Variants in ZNF280D observed in about 807,000 individuals in gnomAD.
The protein encoded by ZNF280D is suppressor of hairy wing homolog 4.
A neutral mutation model predicts 94.7 loss-of-function variants in ZNF280D; 39 were observed. That is an observed-to-expected ratio of 0.41 (90% CI 0.32 to 0.54). The LOEUF (loss-of-function observed/expected upper bound fraction) is 0.54, where lower values mean the gene tolerates loss of function less well. Among genes scored for constraint, ZNF280D ranks in the 20% least tolerant of loss-of-function variants. ZNF280D has a pLI of 0.22. For missense variants in ZNF280D, 1,090 were observed against 1,149.3 expected, an observed-to-expected ratio of 0.95 and a Z score of 0.75; for synonymous variants, 398 against 377.6, an observed-to-expected ratio of 1.05 and a Z score of -0.63.
intron 19 of ZNF280D, among the ~76,000 whole-genome samples, chr15:56,650,980 A>G (rs2053171509): frequency 2.0e-5 from 3 of 152,290 alleles, no homozygotes; most frequent in South Asian, 2.1e-4. Context: ...TCTCTGATTC[A>G]TATTTCTCCA....
Position 56,707,749 on chromosome 15 carries a change from G to A in ZNF280D, c.-85-443C>T, listed in dbSNP as rs147993744. Among the ~76,000 whole-genome samples, 314 of 152,064 alleles carry A rather than the reference G, an allele frequency of 2.1e-3. 1 individual carries two copies. Among genetic ancestry groups the A allele is most frequent in the African/African-American group, 6.9e-3 (285 of 41,488 alleles). ...GCTTTTTATCAACCGAAAGGGAACA[G>A]AAAATTCATTGGAAATATTTCATCA... On this transcript the variant is annotated intron_variant, in intron 1 of 21. Coordinates refer to ENST00000267807, the MANE Select transcript of ZNF280D (RefSeq NM_017661.4).
chr15:56,720,970 T>G (rs796501393), intron 1 of ZNF280D, among the ~76,000 whole-genome samples: 813 of 26,532 alleles, frequency 0.031, 9 homozygotes, highest in East Asian at 0.06. Context: ...GCATTTTTTT[T>G]GGGGGGGGGG....
chr15:56,696,445 G>C (rs2056753439), intron 6 of ZNF280D, among the ~76,000 whole-genome samples: 1 of 152,130 alleles, frequency 6.6e-6, no homozygotes, highest in Non-Finnish European at 1.5e-5. Flanking sequence ...GGTCGAGTAA[G>C]GCTCCCAGTA....
chr15:56,731,508 A>G (rs531936371), intron 1 of ZNF280D, among the ~76,000 whole-genome samples: 1 of 144,654 alleles, frequency 6.9e-6, no homozygotes, highest in African/African-American at 2.7e-5. Context: ...ACCTATCTCA[A>G]AAAAAAAAAA....
chr15:56,731,407 G>A (rs1402894155), intron 1 of ZNF280D, among the ~76,000 whole-genome samples: 1 of 151,630 alleles, frequency 6.6e-6, no homozygotes, highest in East Asian at 1.9e-4. Flanking sequence ...GGAGGCCGAG[G>A]TGGGAGGATG....
chr15:56,726,361 T>C (rs1212179098), intron 1 of ZNF280D, among the ~76,000 whole-genome samples: 1 of 152,184 alleles, frequency 6.6e-6, no homozygotes, highest in Non-Finnish European at 1.5e-5. Context: ...CTTTCTTTCT[T>C]GAGCAGTTCT....
At chr15:56,653,496 C>T (rs1403452004) in intron 19 of ZNF280D, 1 of 1,516,372 alleles carries the variant, frequency 6.6e-7, no homozygotes, top group South Asian at 1.2e-5. Context: ...AAATTATTCA[C>T]ATTCCTTGGA....
chr15:56,673,603 A>G (rs1490265177), intron 13 of ZNF280D, among the ~76,000 whole-genome samples: 1 of 151,990 alleles, frequency 6.6e-6, no homozygotes, highest in East Asian at 1.9e-4. Context: ...ACATCTTTTT[A>G]TATGCTTAAA....
intron 1 of ZNF280D, among the ~76,000 whole-genome samples, chr15:56,711,612 T>A (rs1463905692): frequency 7.9e-5 from 12 of 152,126 alleles, no homozygotes; most frequent in African/African-American, 2.9e-4. Flanking sequence ...AGTAGTGAGC[T>A]GAGATCGTGC....
intron 19 of ZNF280D, among the ~76,000 whole-genome samples, chr15:56,649,969 G>T (rs2053114266): frequency 6.6e-6 from 1 of 151,998 alleles, no homozygotes; most frequent in Admixed American, 6.6e-5. Flanking sequence ...AATAGGTCCA[G>T]ATTCTCTTCT....
chr15:56,724,436 A>G (rs2058530556), intron 1 of ZNF280D, among the ~76,000 whole-genome samples: 1 of 152,200 alleles, frequency 6.6e-6, no homozygotes, highest in Non-Finnish European at 1.5e-5. Context: ...CAACACTTCT[A>G]ACAGTTGTTG....
At chr15:56,642,542 C>G (rs936357900) in intron 20 of ZNF280D, among the ~76,000 whole-genome samples, 15 of 151,802 alleles carry the variant, frequency 9.9e-5, no homozygotes, top group African/African-American at 3.6e-4. Flanking sequence ...ATTTAAGATA[C>G]ATCCAAAATA....
intron 1 of ZNF280D, among the ~76,000 whole-genome samples, chr15:56,713,035 C>T (rs1421280296): frequency 2.0e-5 from 3 of 151,902 alleles, no homozygotes; most frequent in Non-Finnish European, 4.4e-5. Context: ...CCACCATGCC[C>T]GGTCAAATGG....
At chr15:56,692,206 C>G (rs1412742434) in intron 7 of ZNF280D, among the ~76,000 whole-genome samples, 1 of 151,772 alleles carries the variant, frequency 6.6e-6, no homozygotes, top group African/African-American at 2.4e-5. Context: ...CAGATTGTTA[C>G]TAAATACGTA....
At chr15:56,711,085 T>C (rs1156378974) in intron 1 of ZNF280D, among the ~76,000 whole-genome samples, 1 of 152,216 alleles carries the variant, frequency 6.6e-6, no homozygotes, top group African/African-American at 2.4e-5. Flanking sequence ...TTAGTAACCA[T>C]GAAGAGTAAA....
Position 56,669,974 on chromosome 15 carries a change from A to ATATATATTAT in ZNF280D, c.1411-1018_1411-1017insATAATATATA, listed in dbSNP as rs1230973169. On this transcript the variant is annotated intron_variant, in intron 13 of 21. Transcript: ENST00000267807. Reference sequence around the variant, plus strand: ...TTATATATATATATTATATATATATAATATATATATTATATATATATATTA... The same window carrying ATATATATTAT: ...TTATATATATATATTATATATATATATATATATTATATATATATATTATATATATATATTA... Among the ~76,000 whole-genome samples the ATATATATTAT allele has an allele frequency of 3.8e-3, 3 of 780 alleles. No homozygotes were observed. In the Admixed American group the frequency reaches 0.056, roughly 14 times the overall value. The allele number at this position is 780 out of a possible 152,430, so 0.5% of individuals were successfully genotyped here.
chr15:56,692,483 G>C (rs1351470997), intron 7 of ZNF280D, among the ~76,000 whole-genome samples: 1 of 151,964 alleles, frequency 6.6e-6, no homozygotes, highest in Non-Finnish European at 1.5e-5. Flanking sequence ...TTATTTTATA[G>C]TACACTAATT....
At chr15:56,692,223 A>G (rs2056461948) in intron 7 of ZNF280D, among the ~76,000 whole-genome samples, 1 of 152,088 alleles carries the variant, frequency 6.6e-6, no homozygotes, top group Admixed American at 6.6e-5. Context: ...CGTAAGTGAC[A>G]CCCAGAGAGG....
At chr15:56,653,659 G>A in intron 19 of ZNF280D, 1 of 1,383,366 alleles carries the variant, frequency 7.2e-7, no homozygotes, top group South Asian at 1.7e-5. Context: ...ACAATTATCT[G>A]GCCTAAAACT....
Sources: gnomAD v4.1 joint callset for allele counts (sites outside exome capture counted in the v4.1 genomes callset) on GRCh38, gnomAD v4.1.1 for gene constraint, MANE v1.5 for transcripts, NCBI Gene and HGNC (gene_info 2026-07-23, HGNC 2026-07-21) for gene names.